The following ABTB3 variants were observed in gnomAD, a reference collection of about 807,000 sequenced individuals.
The protein encoded by ABTB3 is ankyrin repeat and BTB domain containing 3.
chr12:107,432,595 G>A, the ABTB3 span, among the ~76,000 whole-genome samples: 4 of 152,202 alleles, frequency 2.6e-5, no homozygotes, highest in African/African-American at 4.8e-5. Flanking sequence ...TTGGGACAGA[G>A]GAGGTGTCTA....
At chr12:107,444,724 A>G in the ABTB3 span, among the ~76,000 whole-genome samples, 1 of 152,220 alleles carries the variant, frequency 6.6e-6, no homozygotes, top group African/African-American at 2.4e-5. Flanking sequence ...TTGGCAAATG[A>G]ATAAACTTCA....
At chr12:107,455,291 A>G in the ABTB3 span, among the ~76,000 whole-genome samples, 1 of 152,186 alleles carries the variant, frequency 6.6e-6, no homozygotes, top group African/African-American at 2.4e-5. Flanking sequence ...AAATACTTTA[A>G]CATCTGCATT....
At chr12:107,618,262 C>T in the ABTB3 span, 32 of 1,613,490 alleles carry the variant, frequency 2.0e-5, no homozygotes, top group South Asian at 5.5e-5. Flanking sequence ...GAGACAGCCC[C>T]GCCCCCCTTG....
At chr12:107,578,133 A>G in the ABTB3 span, among the ~76,000 whole-genome samples, 1 of 152,050 alleles carries the variant, frequency 6.6e-6, no homozygotes, top group Non-Finnish European at 1.5e-5. Flanking sequence ...AAATAATGCT[A>G]TTTTTTCCCC....
At chr12:107,630,224 T>C in the ABTB3 span, among the ~76,000 whole-genome samples, 1 of 152,196 alleles carries the variant, frequency 6.6e-6, no homozygotes, top group East Asian at 1.9e-4. Context: ...CTCTGCACAA[T>C]GTCCAGCTCC....
the ABTB3 span, among the ~76,000 whole-genome samples, chr12:107,596,593 C>T: frequency 5.9e-4 from 90 of 152,124 alleles, no homozygotes; most frequent in Middle Eastern, 3.4e-3. Context: ...CTAGCCTGGG[C>T]GACAGAGCAA....
the ABTB3 span, among the ~76,000 whole-genome samples, chr12:107,425,391 G>C: frequency 6.6e-6 from 1 of 152,192 alleles, no homozygotes; most frequent in East Asian, 1.9e-4. Context: ...TCCTTGTGGG[G>C]TGAGGAAAAT....
the ABTB3 span, among the ~76,000 whole-genome samples, chr12:107,400,616 A>G: frequency 6.6e-6 from 1 of 152,216 alleles, no homozygotes; most frequent in African/African-American, 2.4e-5. Flanking sequence ...CCATGTGTGA[A>G]CATTCAGTGA....
the ABTB3 span, among the ~76,000 whole-genome samples, chr12:107,531,765 G>A: frequency 2.6e-5 from 4 of 152,162 alleles, no homozygotes; most frequent in East Asian, 1.9e-4. Flanking sequence ...AAGCTGCTGC[G>A]GCATAGCACC....
At chr12:107,445,898 C>T in the ABTB3 span, among the ~76,000 whole-genome samples, 1 of 140,090 alleles carries the variant, frequency 7.1e-6, no homozygotes, top group Non-Finnish European at 1.5e-5. Flanking sequence ...TCTCCCCTCT[C>T]CCCTCTCCCT....
the ABTB3 span, among the ~76,000 whole-genome samples, chr12:107,467,366 G>A: frequency 5.3e-5 from 8 of 152,130 alleles, no homozygotes; most frequent in African/African-American, 9.7e-5. Context: ...CCTCTGGCCA[G>A]TGATCCCAGC....
the ABTB3 span, among the ~76,000 whole-genome samples, chr12:107,569,956 A>C: frequency 1.3e-5 from 2 of 152,210 alleles, no homozygotes; most frequent in Non-Finnish European, 2.9e-5. Context: ...TCTTGCTTAC[A>C]GAGGGAAGAC....
At chr12:107,362,321 C>T in the ABTB3 span, among the ~76,000 whole-genome samples, 2 of 152,198 alleles carry the variant, frequency 1.3e-5, no homozygotes, top group African/African-American at 2.4e-5. Flanking sequence ...AAGGAGGATG[C>T]GTGGATGAGC....
At chr12:107,417,215 C>G in the ABTB3 span, among the ~76,000 whole-genome samples, 1 of 152,178 alleles carries the variant, frequency 6.6e-6, no homozygotes, top group African/African-American at 2.4e-5. Context: ...TGGAGTCAAA[C>G]AGAACCACGT....
chr12:107,471,065 G>A, the ABTB3 span, among the ~76,000 whole-genome samples: 2 of 152,214 alleles, frequency 1.3e-5, no homozygotes, highest in Admixed American at 6.5e-5. Context: ...TTGCTGCGTG[G>A]CTTGATGGAT....
chr12:107,579,272 TG>T, the ABTB3 span, among the ~76,000 whole-genome samples: 3 of 152,310 alleles, frequency 2.0e-5, no homozygotes, highest in African/African-American at 7.2e-5. Context: ...TCAGCTCCCC[TG>T]GGGTGACAGG....
At chr12:107,480,408 C>T in the ABTB3 span, among the ~76,000 whole-genome samples, 1 of 152,042 alleles carries the variant, frequency 6.6e-6, no homozygotes, top group African/African-American at 2.4e-5. Flanking sequence ...AGAGATGGGA[C>T]ATTGGGAGGT....
At chr12:107,466,794 A>G in the ABTB3 span, among the ~76,000 whole-genome samples, 35,555 of 151,776 alleles carry the variant, frequency 0.23, 4,401 homozygotes, top group African/African-American at 0.33. Flanking sequence ...AGGGCCAAGG[A>G]GTTCACAATC....
At chr12:107,398,413 A>C in the ABTB3 span, among the ~76,000 whole-genome samples, 1 of 152,386 alleles carries the variant, frequency 6.6e-6, no homozygotes, top group East Asian at 1.9e-4. Flanking sequence ...AAAGATTTAA[A>C]GTATCCAAGC....
Sources: gnomAD v4.1 joint callset for allele counts (sites outside exome capture counted in the v4.1 genomes callset) on GRCh38, gnomAD v4.1.1 for gene constraint, MANE v1.5 for transcripts, NCBI Gene and HGNC (gene_info 2026-07-23, HGNC 2026-07-21) for gene names.